The following CRADD variants were observed in gnomAD, a reference collection of about 807,000 sequenced individuals.
CRADD encodes CARD and death domain containing adaptor protein.
In CRADD, 9 loss-of-function variants were observed where a neutral mutation model predicts 15.5. The observed-to-expected ratio is 0.58, with a 90% confidence interval of 0.35 to 1.01. CRADD has a LOEUF of 1.01. CRADD is among the 50% of genes least tolerant of loss of function. The pLI is 0.02. For synonymous variants in CRADD, 118 were observed against 107.6 expected (o/e 1.10, Z -0.60); for missense variants, 227 against 250.3 (o/e 0.91, Z 0.63).
intron 2 of CRADD, among the ~76,000 whole-genome samples, chr12:93,772,110 G>A (rs1297846303): frequency 6.6e-6 from 1 of 152,184 alleles, no homozygotes; most frequent in African/African-American, 2.4e-5. Context: ...TAATTTGCAT[G>A]ACTCCTTTTA....
intron 2 of CRADD, among the ~76,000 whole-genome samples, chr12:93,713,678 G>C (rs748932901): frequency 4.0e-5 from 6 of 151,766 alleles, no homozygotes; most frequent in Non-Finnish European, 8.8e-5. Flanking sequence ...TCAATTCAAG[G>C]TTGGCTGAAT....
chr12:93,832,552 CTT>C (rs34711247), intron 2 of CRADD, among the ~76,000 whole-genome samples: 28,622 of 152,126 alleles, frequency 0.19, 3,520 homozygotes, highest in Non-Finnish European at 0.28. Flanking sequence ...TCTCTATACT[CTT>C]TATTACTTAG....
intron 2 of CRADD, among the ~76,000 whole-genome samples, chr12:93,709,379 A>T (rs977027183): frequency 2.0e-5 from 3 of 152,180 alleles, no homozygotes; most frequent in Admixed American, 1.3e-4. Context: ...CCCAGTACCC[A>T]GTAGTTATCT....
chr12:93,763,961 A>G (rs1170137419), intron 2 of CRADD, among the ~76,000 whole-genome samples: 1 of 152,144 alleles, frequency 6.6e-6, no homozygotes, highest in Non-Finnish European at 1.5e-5. Flanking sequence ...TGGTTGTTCT[A>G]TCATTCCTGC....
Position 93,707,517 on chromosome 12 carries a change from C to T in CRADD, c.298+28445C>T, listed in dbSNP as rs528451138. On this transcript the variant is annotated intron_variant, in intron 2 of 2. Coordinates refer to ENST00000332896, the MANE Select transcript of CRADD (RefSeq NM_003805.5). ...GCTGGGGCCCAGCATGTGGTCTCTC[C>T]ATGTGGCTTAGGTTTCTTTCAGCAT... Among the ~76,000 whole-genome samples the T allele has an allele frequency of 3.6e-4, 55 of 152,242 alleles. No homozygotes were observed. In the Middle Eastern group the frequency reaches 0.01, roughly 28 times the overall value.
intron 2 of CRADD, among the ~76,000 whole-genome samples, chr12:93,760,946 A>G (rs1189887307): frequency 6.6e-6 from 1 of 151,944 alleles, no homozygotes; most frequent in African/African-American, 2.4e-5. Flanking sequence ...GACTGGTTCA[A>G]GCAGAGGGGC....
intron 2 of CRADD, among the ~76,000 whole-genome samples, chr12:93,875,190 A>G (rs1209517583): frequency 6.6e-6 from 1 of 151,974 alleles, no homozygotes; most frequent in African/African-American, 2.4e-5. Context: ...GTTTCTTCTT[A>G]TAATTTTGGG....
At chr12:93,892,447 G>A (rs1228242506) in intron 2 of CRADD, among the ~76,000 whole-genome samples, 1 of 152,178 alleles carries the variant, frequency 6.6e-6, no homozygotes, top group African/African-American at 2.4e-5. Flanking sequence ...TAAGGATTAC[G>A]TTGTGATTGC....
intron 2 of CRADD, among the ~76,000 whole-genome samples, chr12:93,777,241 C>A (rs4761744): frequency 0.58 from 88,771 of 151,964 alleles, 27,136 homozygotes; most frequent in East Asian, 0.89. Context: ...ACAATCAGCT[C>A]TAGGGGTGGA....
At chr12:93,681,456 C>A (rs893270407) in intron 2 of CRADD, among the ~76,000 whole-genome samples, 1 of 151,938 alleles carries the variant, frequency 6.6e-6, no homozygotes, top group African/African-American at 2.4e-5. Flanking sequence ...TACTGAGTAA[C>A]ACTGCTATTG....
intron 2 of CRADD, among the ~76,000 whole-genome samples, chr12:93,778,276 C>A (rs1251844176): frequency 6.6e-6 from 1 of 152,114 alleles, no homozygotes; most frequent in Non-Finnish European, 1.5e-5. Flanking sequence ...AATAACTTTT[C>A]CACTGATTTT....
intron 2 of CRADD, among the ~76,000 whole-genome samples, chr12:93,884,741 T>C (rs1239803476): frequency 6.6e-6 from 1 of 152,108 alleles, no homozygotes; most frequent in Non-Finnish European, 1.5e-5. Context: ...TCTTTCCCAG[T>C]CGAGTGACAA....
intron 2 of CRADD, among the ~76,000 whole-genome samples, chr12:93,863,596 TTGTG>T (rs1157061528): frequency 0.052 from 6,513 of 124,748 alleles, 177 homozygotes; most frequent in African/African-American, 0.078. Flanking sequence ...GTGGAGGCAT[TTGTG>T]TGTGTGTGTG....
chr12:93,687,441 C>T (rs1565871287), intron 2 of CRADD, among the ~76,000 whole-genome samples: 4 of 152,166 alleles, frequency 2.6e-5, no homozygotes, highest in Admixed American at 2.6e-4. Context: ...CCAGGCTCTA[C>T]TCCAGGTGAA....
At chr12:93,794,744 C>G (rs537890634) in intron 2 of CRADD, among the ~76,000 whole-genome samples, 2 of 152,302 alleles carry the variant, frequency 1.3e-5, no homozygotes, top group East Asian at 3.9e-4. Flanking sequence ...CATTGGCATC[C>G]CATAGCACTT....
At chr12:93,833,944 G>T (rs1957942684) in intron 2 of CRADD, among the ~76,000 whole-genome samples, 1 of 152,098 alleles carries the variant, frequency 6.6e-6, no homozygotes, top group Non-Finnish European at 1.5e-5. Flanking sequence ...TGACCTTGTG[G>T]CTTGCTTTAG....
At chr12:93,860,215 A>T (rs1958308734) in intron 2 of CRADD, among the ~76,000 whole-genome samples, 1 of 152,148 alleles carries the variant, frequency 6.6e-6, no homozygotes, top group Admixed American at 6.6e-5. Context: ...GTTCAATAAG[A>T]GGTACTTAAG....
At chr12:93,780,766 C>T (rs1181446577) in intron 2 of CRADD, among the ~76,000 whole-genome samples, 1 of 149,438 alleles carries the variant, frequency 6.7e-6, no homozygotes, top group African/African-American at 2.5e-5. Context: ...GAGACAGAGT[C>T]TCTTCCTTCT....
At chr12:93,775,288 A>G (rs1490478669) in intron 2 of CRADD, among the ~76,000 whole-genome samples, 3 of 152,242 alleles carry the variant, frequency 2.0e-5, no homozygotes, top group Non-Finnish European at 4.4e-5. Context: ...GGTTAGGTAC[A>G]GACCCTTAGA....
Sources: allele counts gnomAD v4.1 joint callset (sites outside exome capture counted in the v4.1 genomes callset), GRCh38; gene constraint gnomAD v4.1.1; transcripts MANE v1.5; gene names NCBI Gene and HGNC (gene_info 2026-07-23, HGNC 2026-07-21).